Variants in SLC1A5 observed in about 807,000 individuals in gnomAD.
SLC1A5 encodes solute carrier family 1 member 5, also known as neutral amino acid transporter B(0).
Under a neutral mutation model 34.9 loss-of-function variants are expected in SLC1A5, and 25 were observed. The observed-to-expected ratio is 0.72, with a 90% confidence interval of 0.52 to 1.00. The LOEUF (loss-of-function observed/expected upper bound fraction) is 1.00, where lower values mean the gene tolerates loss of function less well. SLC1A5 is among the 50% of genes least tolerant of loss of function. SLC1A5 has a pLI of 0.00. For missense variants in SLC1A5, 637 were observed against 740.0 expected, an observed-to-expected ratio of 0.86 and a Z score of 1.61; for synonymous variants, 351 against 341.2, an observed-to-expected ratio of 1.03 and a Z score of -0.32.
intron 5 of SLC1A5, among the ~76,000 whole-genome samples, chr19:46,778,022 C>A (rs890652051): frequency 1.3e-5 from 2 of 152,124 alleles, no homozygotes; most frequent in African/African-American, 4.8e-5. Context: ...CTGACTCTCA[C>A]CAATAATACA....
At chr19:46,776,868 CCTT>C in intron 7 of SLC1A5, 104 bp downstream of exon 7, 1 of 1,250,948 alleles carries the variant, frequency 8.0e-7, no homozygotes. Flanking sequence ...AGAATTCCTT[CCTT>C]CTTCTCTTCC....
At chr19:46,782,837 C>T (rs1340628529) in intron 3 of SLC1A5, among the ~76,000 whole-genome samples, 1 of 152,030 alleles carries the variant, frequency 6.6e-6, no homozygotes, top group East Asian at 1.9e-4. Flanking sequence ...GAGGAAGGAG[C>T]ATCTGAGCTG....
At chr19:46,781,387 T>C (rs1305861112) in intron 4 of SLC1A5, among the ~76,000 whole-genome samples, 2 of 152,062 alleles carry the variant, frequency 1.3e-5, no homozygotes. Context: ...TCACCTGAGG[T>C]CGGGAGTTTG....
intron 4 of SLC1A5, among the ~76,000 whole-genome samples, chr19:46,781,685 T>C (rs545633032): frequency 2.6e-5 from 4 of 152,304 alleles, no homozygotes; most frequent in South Asian, 4.1e-4. Flanking sequence ...CACTGACTAG[T>C]TATCTCCCCA....
Position 46,775,470 on chromosome 19 carries a change from A to T in SLC1A5, c.*40T>A. ...CCATTCCTCATAATCCAGTGTCCAAAGAGCACCCCCAGCAGGGCAGGGAAG... is the reference window on the plus strand; with the variant it reads ...CCATTCCTCATAATCCAGTGTCCAATGAGCACCCCCAGCAGGGCAGGGAAG... On this transcript the variant is annotated 3_prime_UTR_variant, in exon 8 of 8. Transcript: ENST00000542575. 1 of 1,568,634 alleles carries T rather than the reference A, an allele frequency of 6.4e-7. No individual in the cohort carries two copies. The highest frequency in any genetic ancestry group is 8.6e-7 in the Non-Finnish European group (1 of 1,158,472).
chr19:46,775,171 A>G lies in SLC1A5; in HGVS notation c.*339T>C. 1.9e-6 allele frequency: 2 copies of G among 1,064,746 alleles called. No homozygotes were observed. Among genetic ancestry groups the G allele is most frequent in the Non-Finnish European group, 2.3e-6 (2 of 879,246 alleles). 66.0% of individuals were successfully genotyped at this position (1,064,746 alleles called of 1,614,324 possible). A position where few individuals can be genotyped will look rare whatever the true frequency, so the allele number is the denominator to read the frequency against. On this transcript the variant is annotated 3_prime_UTR_variant, in exon 8 of 8. Transcript: ENST00000542575. Reference sequence around the variant, plus strand: ...GTAACATCCCCCCAGTGGGGGCTAGAATTCCCCATGGTGACCTGTGACCTG... The same window carrying G: ...GTAACATCCCCCCAGTGGGGGCTAGGATTCCCCATGGTGACCTGTGACCTG...
chr19:46,777,267 C>A lies in SLC1A5; in HGVS notation c.1197G>T (p.Val399=). The part of the protein sequence containing the change: ...GAALFQCVAA[V]FIAQLSQQSL... ...ACTGCTGGCTGAGCTGTGCAATGAA[C>A]ACTGCGGCCACGCACTGGAAGAGCG... is the stretch of plus-strand genomic sequence containing the variant. Residue 399 remains valine, a synonymous_variant, in exon 6 of 8, where the codon GTG becomes GTT. Coordinates refer to ENST00000542575, the MANE Select transcript of SLC1A5 (RefSeq NM_005628.3). The A allele has an allele frequency of 6.2e-7, 1 of 1,612,742 alleles. No homozygotes were observed.
chr19:46,777,687 A>C (rs1373394035), intron 5 of SLC1A5, among the ~76,000 whole-genome samples: 5 of 22,806 alleles, frequency 2.2e-4, no homozygotes, highest in African/African-American at 3.4e-4. Flanking sequence ...GATCCCGCCC[A>C]TACCACTTGC....
Position 46,777,028 on chromosome 19 carries a change from T to A in SLC1A5, c.1335A>T (p.Ala445=), listed in dbSNP as rs1224888068. 1 of 1,614,006 alleles carries A rather than the reference T, an allele frequency of 6.2e-7. No homozygotes were observed. The highest frequency in any genetic ancestry group is 1.1e-5 in the South Asian group (1 of 91,072). Residue 445 remains alanine (A), a synonymous_variant, in exon 7 of 8, where the codon GCA becomes GCT. Coordinates refer to ENST00000542575, the MANE Select transcript of SLC1A5 (RefSeq NM_005628.3). ...AGATATGGTCGACCGGGAGGTTGAC[T>A]GCTTCGAGGATGATGGCCAGAGTGA... ...GVLTLAIILE[A]VNLPVDHISL...
rs1437169546 is a variant in SLC1A5 at position 46,775,576 on chromosome 19, G to A, written c.1560C>T (p.Leu520=). 2 of 1,614,162 alleles carry A rather than the reference G, an allele frequency of 1.2e-6. No individual in the cohort carries two copies. The change falls in exon 8 of 8, where the codon CTC becomes CTT. Residue 520 remains leucine, a synonymous_variant. Transcript: ENST00000542575. The stretch of plus-strand genomic sequence containing the variant: ...CTGCGGGCCCCCGATAGTGTTTGAG[G>A]AGGGGGTTTCCTTCCTCAGTGGGGA... ...LPVPTEEGNP[L]LKHYRGPAGD...
intron 4 of SLC1A5, 37 bp downstream of exon 4, chr19:46,782,346 A>ACCCCCCCCCCCCCCCCCCCCCCCACCC: frequency 1.8e-6 from 1 of 567,986 alleles, no homozygotes; most frequent in Non-Finnish European, 3.2e-6. Flanking sequence ...CGACCCTCCA[A>ACCCCCCCCCCCCCCCCCCCCCCCACCC]CCCCACCCAC....
chr19:46,777,199 C>T lies in SLC1A5; in HGVS notation c.1253+12G>A. 6.2e-7 allele frequency: 1 copy of T among 1,602,116 alleles called. No individual in the cohort carries two copies. The highest frequency in any genetic ancestry group is 8.5e-7 in the Non-Finnish European group (1 of 1,172,504). ...GGTCCGGGGGTCCCATCCGCAGCCC[C>T]CTGACACTCACAGGATGGTGATGAT... On this transcript the variant is annotated intron_variant, in intron 6 of 7. Coordinates refer to ENST00000542575, the MANE Select transcript of SLC1A5 (RefSeq NM_005628.3).
At chr19:46,782,345 AACCC>A in intron 4 of SLC1A5, 34 bp downstream of exon 4, 2 of 292,428 alleles carry the variant, frequency 6.8e-6, no homozygotes, top group East Asian at 7.3e-5. Flanking sequence ...CCGACCCTCC[AACCC>A]CACCCACCCC....
chr19:46,782,338 A>ACCCCCCCAACCCCCCCCCCC, intron 4 of SLC1A5, 45 bp downstream of exon 4: 1 of 1,009,382 alleles, frequency 9.9e-7, no homozygotes, highest in South Asian at 1.4e-5. Context: ...CAGCAGACCG[A>ACCCCCCCAACCCCCCCCCCC]CCCTCCAACC....
rs529209627 is a variant in SLC1A5 at position 46,775,999 on chromosome 19, G to A, written c.1389-252C>T. ...AGGAGGCTGGGGCAGGAGGATCGCT[G>A]GAGCCTGGGAGGTGGAGGCTGCAGT... On this transcript the variant is annotated intron_variant, in intron 7 of 7. Coordinates refer to ENST00000542575, the MANE Select transcript of SLC1A5 (RefSeq NM_005628.3). 1.8e-3 allele frequency among the ~76,000 whole-genome samples: 268 copies of A among 151,816 alleles called. 1 individual carries two copies. Among genetic ancestry groups the A allele is most frequent in the Admixed American group, 3.0e-3 (45 of 15,226 alleles).
Position 46,778,668 on chromosome 19 carries a change from G to GC in SLC1A5, c.1058+6dup. On this transcript the variant is annotated splice_region_variant and intron_variant, in intron 5 of 7. Coordinates refer to ENST00000542575, the MANE Select transcript of SLC1A5 (RefSeq NM_005628.3). Reference sequence around the variant, plus strand: ...ACATCCCACCCTAGCCCACCCCAAGGCCGTACCTGGAAGAGGTCCCAAAGG... The same window carrying GC: ...ACATCCCACCCTAGCCCACCCCAAGGCCCGTACCTGGAAGAGGTCCCAAAGG... The GC allele has an allele frequency of 6.5e-7, 1 of 1,549,728 alleles. No homozygotes were observed. Among genetic ancestry groups the GC allele is most frequent in the African/African-American group, 1.4e-5 (1 of 73,524 alleles).
At chr19:46,776,055 C>T (rs558911218) in intron 7 of SLC1A5, among the ~76,000 whole-genome samples, 1 of 152,020 alleles carries the variant, frequency 6.6e-6, no homozygotes, top group South Asian at 2.1e-4. Context: ...CACTACACTC[C>T]AGCCTGGGTG....
At chr19:46,782,349 C>CCCCCCCCCCCCCCCCA in intron 4 of SLC1A5, 34 bp downstream of exon 4, 2 of 592,810 alleles carry the variant, frequency 3.4e-6, no homozygotes, top group Non-Finnish European at 3.0e-6. Context: ...CCCTCCAACC[C>CCCCCCCCCCCCCCCCA]CACCCACCCC....
chr19:46,782,345 A>AAACCCCCCCCCCCCCCCCCC, intron 4 of SLC1A5, 38 bp downstream of exon 4: 1 of 292,428 alleles, frequency 3.4e-6, no homozygotes. Context: ...CCGACCCTCC[A>AAACCCCCCCCCCCCCCCCCC]ACCCCACCCA....
Sources: gnomAD v4.1 joint callset for allele counts (sites outside exome capture counted in the v4.1 genomes callset) on GRCh38, gnomAD v4.1.1 for gene constraint, MANE v1.5 for transcripts, NCBI Gene and HGNC (gene_info 2026-07-23, HGNC 2026-07-21) for gene names.